Variants in LRRC4C observed in about 807,000 individuals in gnomAD.
LRRC4C encodes the protein leucine rich repeat containing 4C, also known as leucine-rich repeat-containing protein 4C.
In LRRC4C, 5 loss-of-function variants were observed where a neutral mutation model predicts 33.6. The ratio of observed to expected loss-of-function variants is 0.15; its 90% CI spans 0.08 to 0.31. LRRC4C has a LOEUF of 0.31. LRRC4C is among the 10% of genes least tolerant of loss of function. LRRC4C has a pLI of 1.00. For missense variants in LRRC4C, 560 were observed against 796.7 expected, an observed-to-expected ratio of 0.70 and a Z score of 3.58; for synonymous variants, 329 against 302.0, an observed-to-expected ratio of 1.09 and a Z score of -0.93.
At chr11:41,035,999 A>G (rs528846221) in intron 1 of LRRC4C, among the ~76,000 whole-genome samples, 1 of 152,176 alleles carries the variant, frequency 6.6e-6, no homozygotes, top group African/African-American at 2.4e-5. Flanking sequence ...AAATGTAACT[A>G]TACAAACTCC....
At chr11:40,702,805 T>C (rs924136166) in intron 2 of LRRC4C, among the ~76,000 whole-genome samples, 57 of 152,270 alleles carry the variant, frequency 3.7e-4, no homozygotes, top group African/African-American at 1.3e-3. Flanking sequence ...ATTTCCACTT[T>C]GACGTCCTCC....
chr11:40,300,524 A>G (rs1394013477), intron 4 of LRRC4C, among the ~76,000 whole-genome samples: 1 of 152,202 alleles, frequency 6.6e-6, no homozygotes, highest in East Asian at 1.9e-4. Flanking sequence ...ACAGATCCAA[A>G]GAGTCCAGCT....
chr11:40,621,900 T>G lies in LRRC4C; in HGVS notation c.-270+26242A>C, dbSNP rs372906925. Reference sequence around the variant, plus strand: ...TTTACTTCTATTATTCTGATAATGATTCAGAAAAACTGAGAAGTTAAAGAC... The same window carrying G: ...TTTACTTCTATTATTCTGATAATGAGTCAGAAAAACTGAGAAGTTAAAGAC... On this transcript the variant is annotated intron_variant, in intron 3 of 6. Coordinates refer to ENST00000528697, the MANE Select transcript of LRRC4C (RefSeq NM_001258419.2). Among the ~76,000 whole-genome samples, 8 of 152,000 alleles carry G rather than the reference T, an allele frequency of 5.3e-5. No individual in the cohort carries two copies. The South Asian group carries it at 8.3e-4, about 16-fold the overall frequency.
At chr11:40,729,604 A>C (rs1257179082) in intron 2 of LRRC4C, among the ~76,000 whole-genome samples, 2 of 152,170 alleles carry the variant, frequency 1.3e-5, no homozygotes, top group Non-Finnish European at 2.9e-5. Context: ...ATCTCTGATC[A>C]ATGCCTAAGG....
In LRRC4C at chr11:40,565,200, T is replaced by C. The variant is rs72886928; in HGVS notation, c.-270+82942A>G. On this transcript the variant is annotated intron_variant, in intron 3 of 6. Transcript: ENST00000528697. ...CAGGAGGAGAAGCCCCCAGCAACCG[T>C]GGAGAAATTATTCTCCATCATTTAT... Among the ~76,000 whole-genome samples, 546 of 152,274 alleles carry C rather than the reference T, an allele frequency of 3.6e-3. 2 individuals carry two copies. Among genetic ancestry groups the C allele is most frequent in the Non-Finnish European group, 6.0e-3 (406 of 68,014 alleles).
chr11:40,997,835 C>T (rs1265659378), intron 1 of LRRC4C, among the ~76,000 whole-genome samples: 2 of 152,204 alleles, frequency 1.3e-5, no homozygotes, highest in East Asian at 1.9e-4. Context: ...TATTAATATA[C>T]AAACTTGCAG....
chr11:41,087,164 C>T (rs1312684195), intron 1 of LRRC4C, among the ~76,000 whole-genome samples: 3 of 152,108 alleles, frequency 2.0e-5, no homozygotes, highest in African/African-American at 4.8e-5. Flanking sequence ...TTAATCATTG[C>T]ATTTTTCTGA....
intron 3 of LRRC4C, among the ~76,000 whole-genome samples, chr11:40,375,695 C>A (rs186992419): frequency 6.6e-6 from 1 of 152,140 alleles, no homozygotes. Flanking sequence ...ATTTTTATCT[C>A]TCACTTGCAT....
intron 3 of LRRC4C, among the ~76,000 whole-genome samples, chr11:40,600,059 A>G (rs575657618): frequency 1.3e-5 from 2 of 152,326 alleles, no homozygotes; most frequent in East Asian, 1.9e-4. Flanking sequence ...CTGATGCTCA[A>G]TAATTGATTT....
intron 1 of LRRC4C, among the ~76,000 whole-genome samples, chr11:41,251,405 C>T (rs1474225346): frequency 6.6e-6 from 1 of 152,184 alleles, no homozygotes; most frequent in East Asian, 1.9e-4. Flanking sequence ...CACCATTCTG[C>T]GTCTTCCTAC....
intron 1 of LRRC4C, among the ~76,000 whole-genome samples, chr11:41,237,431 G>T (rs1948070667): frequency 6.6e-6 from 1 of 152,048 alleles, no homozygotes; most frequent in Admixed American, 6.6e-5. Context: ...TTTTTGCAAA[G>T]AAAAGGAGTT....
chr11:40,502,826 T>C (rs1954844516), intron 3 of LRRC4C, among the ~76,000 whole-genome samples: 1 of 152,214 alleles, frequency 6.6e-6, no homozygotes, highest in Non-Finnish European at 1.5e-5. Flanking sequence ...ATCAAAGTTA[T>C]AGGTAAACAA....
At chr11:40,984,417 G>A (rs1419538776) in intron 1 of LRRC4C, among the ~76,000 whole-genome samples, 7 of 109,160 alleles carry the variant, frequency 6.4e-5, no homozygotes, top group South Asian at 2.8e-4. Context: ...GAAAGAAAGA[G>A]AAAGAAAGAA....
chr11:40,122,328 G>T (rs2134674298), intron 6 of LRRC4C, among the ~76,000 whole-genome samples: 1 of 152,126 alleles, frequency 6.6e-6, no homozygotes, highest in African/African-American at 2.4e-5. Context: ...GTGTGCCATA[G>T]TGGTTTGCTA....
At chr11:40,496,373 C>A (rs1954458682) in intron 3 of LRRC4C, among the ~76,000 whole-genome samples, 1 of 152,088 alleles carries the variant, frequency 6.6e-6, no homozygotes, top group Admixed American at 6.5e-5. Flanking sequence ...TTTTGATACA[C>A]TTGTACATTG....
intron 3 of LRRC4C, among the ~76,000 whole-genome samples, chr11:40,388,917 A>T (rs1949223650): frequency 6.6e-6 from 1 of 152,168 alleles, no homozygotes; most frequent in Non-Finnish European, 1.5e-5. Flanking sequence ...CATTTTTAGG[A>T]GACCAAGAGT....
intron 3 of LRRC4C, among the ~76,000 whole-genome samples, chr11:40,492,027 G>A (rs1954185342): frequency 6.6e-6 from 1 of 152,180 alleles, no homozygotes; most frequent in South Asian, 2.1e-4. Context: ...TAGAGACTAT[G>A]ATGTCTTGCA....
At chr11:40,927,995 A>G (rs1565211711) in intron 2 of LRRC4C, among the ~76,000 whole-genome samples, 1 of 152,196 alleles carries the variant, frequency 6.6e-6, no homozygotes, top group African/African-American at 2.4e-5. Flanking sequence ...TTTTAAGTAG[A>G]TCCATAACTT....
At chr11:41,171,901 G>C (rs1018383254) in intron 1 of LRRC4C, among the ~76,000 whole-genome samples, 1 of 151,970 alleles carries the variant, frequency 6.6e-6, no homozygotes, top group African/African-American at 2.4e-5. Flanking sequence ...CACCAGGCCA[G>C]CTGCTGGGAA....
Sources: allele counts gnomAD v4.1 joint callset (sites outside exome capture counted in the v4.1 genomes callset), GRCh38; gene constraint gnomAD v4.1.1; transcripts MANE v1.5; gene names NCBI Gene and HGNC (gene_info 2026-07-23, HGNC 2026-07-21).